AHCYL2: variants seen among roughly 807,000 people sequenced by gnomAD.
The protein encoded by AHCYL2 is adenosylhomocysteinase like 2, also known as S-adenosylhomocysteine hydrolase-like protein 2.
AHCYL2 carries 28 observed loss-of-function variants against 81.4 expected under a neutral mutation model. The ratio of observed to expected loss-of-function variants is 0.34; its 90% CI spans 0.25 to 0.47. The LOEUF (loss-of-function observed/expected upper bound fraction) is 0.47, where lower values mean the gene tolerates loss of function less well. Among genes scored for constraint, AHCYL2 ranks in the 20% least tolerant of loss-of-function variants. The pLI is 1.00. For synonymous variants in AHCYL2, 272 were observed against 290.2 expected (o/e 0.94, Z 0.64); for missense variants, 551 against 785.1 (o/e 0.70, Z 3.56).
At chr7:129,334,954 T>G (rs1798544986) in intron 1 of AHCYL2, among the ~76,000 whole-genome samples, 1 of 152,220 alleles carries the variant, frequency 6.6e-6, no homozygotes, top group South Asian at 2.1e-4. Context: ...ACTAATTTGG[T>G]CTGTGATTTG....
intron 2 of AHCYL2, among the ~76,000 whole-genome samples, chr7:129,380,990 G>C (rs771408684): frequency 9.9e-5 from 15 of 152,096 alleles, no homozygotes; most frequent in Non-Finnish European, 1.8e-4. Flanking sequence ...ATTCTCCTCA[G>C]CCTACCAAAG....
intron 1 of AHCYL2, among the ~76,000 whole-genome samples, chr7:129,304,827 T>TA (rs1797372529): frequency 6.6e-6 from 1 of 152,172 alleles, no homozygotes; most frequent in Non-Finnish European, 1.5e-5. Flanking sequence ...CTTGCTTTTT[T>TA]ATCCATTCAG....
intron 2 of AHCYL2, among the ~76,000 whole-genome samples, chr7:129,387,766 T>G (rs534884446): frequency 6.6e-6 from 1 of 152,288 alleles, no homozygotes; most frequent in African/African-American, 2.4e-5. Context: ...AACCACAAAC[T>G]TTTTGTACAG....
intron 1 of AHCYL2, among the ~76,000 whole-genome samples, chr7:129,369,082 A>C (rs777221021): frequency 1.3e-5 from 2 of 152,114 alleles, no homozygotes; most frequent in Non-Finnish European, 2.9e-5. Context: ...TATGGCAGGA[A>C]CTGCAGCTCT....
chr7:129,237,570 T>C (rs1794684717), intron 1 of AHCYL2, among the ~76,000 whole-genome samples: 1 of 149,442 alleles, frequency 6.7e-6, no homozygotes, highest in Non-Finnish European at 1.5e-5. Context: ...TTTTTTTTTG[T>C]TTATGTAGAT....
intron 2 of AHCYL2, 139 bp from the exon 3 acceptor site, chr7:129,388,917 A>G: frequency 1.2e-6 from 1 of 839,128 alleles, no homozygotes; most frequent in Non-Finnish European, 1.8e-6. Flanking sequence ...TGGCATGTGT[A>G]TAGCCTGCAG....
At chr7:129,268,843 C>T (rs1032484536) in intron 1 of AHCYL2, among the ~76,000 whole-genome samples, 58 of 152,032 alleles carry the variant, frequency 3.8e-4, no homozygotes, top group African/African-American at 1.3e-3. Context: ...TTTCATACTG[C>T]GAAGTTCACT....
At chr7:129,393,288 T>C (rs1037368426) in intron 4 of AHCYL2, among the ~76,000 whole-genome samples, 1 of 152,078 alleles carries the variant, frequency 6.6e-6, no homozygotes, top group African/African-American at 2.4e-5. Context: ...TGTGGTGGCA[T>C]GTGCCTGTAG....
intron 1 of AHCYL2, among the ~76,000 whole-genome samples, chr7:129,289,472 A>G (rs1042878692): frequency 6.6e-6 from 1 of 152,180 alleles, no homozygotes. Flanking sequence ...TACAATGATG[A>G]TATTCTAGTT....
intron 1 of AHCYL2, among the ~76,000 whole-genome samples, chr7:129,322,418 G>A (rs1398949461): frequency 1.4e-5 from 2 of 147,910 alleles, no homozygotes; most frequent in African/African-American, 5.3e-5. Context: ...GGGATTACAG[G>A]CGCACTGCGC....
Position 129,406,238 on chromosome 7 carries a change from C to T in AHCYL2, c.1207-140C>T. 1 of 716,498 alleles carries T rather than the reference C, an allele frequency of 1.4e-6. No individual in the cohort carries two copies. The highest frequency in any genetic ancestry group is 2.3e-6 in the Non-Finnish European group (1 of 430,384). The allele number at this position is 716,498 out of a possible 1,614,324, so 44.4% of individuals were successfully genotyped here. ...TATGAGCTGCATTCAATTATTTGTT[C>T]TTCTCGTTTTCCCCAAGTATGAATC... On this transcript the variant is annotated intron_variant, in intron 9 of 16. Coordinates refer to ENST00000325006, the MANE Select transcript of AHCYL2 (RefSeq NM_015328.4). This position sits in a 1 kb window ranked among gnomAD's most constrained non-coding sequence, Gnocchi z 4.3.
chr7:129,402,624 C>T (rs1275827937), intron 6 of AHCYL2, among the ~76,000 whole-genome samples: 5 of 152,168 alleles, frequency 3.3e-5, no homozygotes, highest in Admixed American at 2.0e-4. Context: ...AATTCAAAAG[C>T]TTTTCTCTGC....
chr7:129,375,038 A>G (rs765711008), intron 1 of AHCYL2, among the ~76,000 whole-genome samples: 4 of 151,990 alleles, frequency 2.6e-5, no homozygotes, highest in African/African-American at 4.8e-5. Context: ...GATTGTTGTG[A>G]TTCGGGGGAC....
chr7:129,261,629 C>A (rs1248127961), intron 1 of AHCYL2, among the ~76,000 whole-genome samples: 2 of 152,186 alleles, frequency 1.3e-5, no homozygotes, highest in African/African-American at 2.4e-5. Context: ...CTTCCCTACC[C>A]CACCGTAGGC....
chr7:129,356,695 C>T (rs545399830), intron 1 of AHCYL2, among the ~76,000 whole-genome samples: 6 of 152,254 alleles, frequency 3.9e-5, no homozygotes, highest in African/African-American at 1.4e-4. Flanking sequence ...AATTTAGGAA[C>T]TGTGTAGGCC....
chr7:129,299,098 T>G (rs938775655), intron 1 of AHCYL2, among the ~76,000 whole-genome samples: 3 of 152,080 alleles, frequency 2.0e-5, no homozygotes, highest in African/African-American at 4.8e-5. Context: ...GATATATTGT[T>G]CTTTTTTAAA....
intron 1 of AHCYL2, among the ~76,000 whole-genome samples, chr7:129,370,174 A>G (rs910462026): frequency 6.6e-6 from 1 of 152,198 alleles, no homozygotes; most frequent in African/African-American, 2.4e-5. Flanking sequence ...CATAGTCCTC[A>G]CCGTCTTACA....
At chr7:129,256,535 G>A (rs916367506) in intron 1 of AHCYL2, among the ~76,000 whole-genome samples, 29 of 55,558 alleles carry the variant, frequency 5.2e-4, no homozygotes, top group African/African-American at 1.7e-3. Context: ...CTTGCTTCCC[G>A]CCCCCCACCC....
At chr7:129,272,603 T>C (rs1348595406) in intron 1 of AHCYL2, among the ~76,000 whole-genome samples, 1 of 152,056 alleles carries the variant, frequency 6.6e-6, no homozygotes, top group Non-Finnish European at 1.5e-5. Context: ...GGGAAAAGAG[T>C]GAACCTTTGT....
Sources: gnomAD v4.1 joint callset for allele counts (sites outside exome capture counted in the v4.1 genomes callset) on GRCh38, gnomAD v4.1.1 for gene constraint, Gnocchi (gnomAD v3.1) non-coding constraint, MANE v1.5 for transcripts, NCBI Gene and HGNC (gene_info 2026-07-23, HGNC 2026-07-21) for gene names.